The following GPSM2 variants were observed in gnomAD, a reference collection of about 807,000 sequenced individuals.
The protein encoded by GPSM2 is G protein signaling modulator 2.
In GPSM2, 58 loss-of-function variants were observed where a neutral mutation model predicts 78.4. The observed-to-expected ratio is 0.74, with a 90% CI of 0.60 to 0.92. GPSM2 has a LOEUF of 0.92. Among genes scored for constraint, GPSM2 ranks in the 40% least tolerant of loss-of-function variants. GPSM2 has a pLI of 0.00. For synonymous variants in GPSM2, 224 were observed against 280.2 expected (o/e 0.80, Z 2.00); for missense variants, 700 against 815.5 (o/e 0.86, Z 1.73).
intron 2 of GPSM2, among the ~76,000 whole-genome samples, chr1:108,885,953 T>G (rs577876355): frequency 6.6e-6 from 1 of 152,284 alleles, no homozygotes; most frequent in East Asian, 1.9e-4. Flanking sequence ...AATGTGATCT[T>G]TTAGACATGA....
Position 108,931,541 on chromosome 1 carries a change from A to G in GPSM2, c.*1601A>G. 6.7e-7 allele frequency: 1 copy of G among 1,503,140 alleles called. No homozygotes were observed. Among genetic ancestry groups the G allele is most frequent in the Admixed American group, 2.2e-5 (1 of 45,448 alleles). 93.1% of individuals were successfully genotyped at this position (1,503,140 alleles called of 1,614,324 possible). A position where few individuals can be genotyped will look rare whatever the true frequency, so the allele number is the denominator to read the frequency against. ...ATTCTTTCAAAAAGTCATTCAGGTG[A>G]TTTGGATGGGCAAATAGAACTATTT... On this transcript the variant is annotated 3_prime_UTR_variant, in exon 15 of 15. Coordinates refer to ENST00000264126, the MANE Select transcript of GPSM2 (RefSeq NM_013296.5).
rs148943546 is a variant in GPSM2 at position 108,933,955 on chromosome 1, T to C, written c.*4015T>C. ...TGAGTAACACAAAAAATAGGTTTTATAAAAAGCCCATGCACTTCAATTGGT... is the reference window on the plus strand; with the variant it reads ...TGAGTAACACAAAAAATAGGTTTTACAAAAAGCCCATGCACTTCAATTGGT... On this transcript the variant is annotated 3_prime_UTR_variant, in exon 15 of 15. Coordinates refer to ENST00000264126, the MANE Select transcript of GPSM2 (RefSeq NM_013296.5). The C allele has an allele frequency of 6.6e-6, 1 of 152,334 alleles. No individual in the cohort carries two copies. The allele number at this position is 152,334 out of a possible 1,614,324, so 9.4% of individuals were successfully genotyped here.
In GPSM2 at chr1:108,883,609, G is replaced by A. The variant is rs1356631550; in HGVS notation, c.-248-1666G>A. 2.0e-5 allele frequency among the ~76,000 whole-genome samples: 3 copies of A among 152,228 alleles called. No homozygotes were observed. In the East Asian group the frequency reaches 5.8e-4, roughly 29 times the overall value. The stretch of plus-strand genomic sequence containing the variant: ...ATATCTACCAATTTATCTCATATAT[G>A]TATATGTATATCCTTCTTTGTCTTT... On this transcript the variant is annotated intron_variant, in intron 1 of 14. Coordinates refer to ENST00000264126, the MANE Select transcript of GPSM2 (RefSeq NM_013296.5).
At chr1:108,883,260 C>G (rs1252415344) in intron 1 of GPSM2, among the ~76,000 whole-genome samples, 1 of 152,168 alleles carries the variant, frequency 6.6e-6, no homozygotes, top group Non-Finnish European at 1.5e-5. Flanking sequence ...ACCTTCTGCT[C>G]TGTTCCCTAT....
At chr1:108,878,228 T>C (rs1665726942) in intron 1 of GPSM2, among the ~76,000 whole-genome samples, 3 of 152,130 alleles carry the variant, frequency 2.0e-5, no homozygotes, top group African/African-American at 7.2e-5. Context: ...TTAAAAAGGG[T>C]AGATCACTGT....
chr1:108,920,469 A>G (rs1416776112), intron 12 of GPSM2, among the ~76,000 whole-genome samples: 3 of 152,096 alleles, frequency 2.0e-5, no homozygotes, highest in Non-Finnish European at 2.9e-5. Flanking sequence ...ACTCTGTCTT[A>G]AAAAGAGTAA....
intron 10 of GPSM2, among the ~76,000 whole-genome samples, chr1:108,908,722 A>AACAAACACACACACACACACACAC (rs1400997028): frequency 6.3e-5 from 5 of 79,288 alleles, no homozygotes; most frequent in African/African-American, 4.9e-4. Flanking sequence ...TCCATCTCAA[A>AACAAACACACACACACACACACAC]ACACAAACAC....
chr1:108,895,503 G>A (rs1648286420), intron 2 of GPSM2, among the ~76,000 whole-genome samples: 1 of 152,180 alleles, frequency 6.6e-6, no homozygotes, highest in South Asian at 2.1e-4. Flanking sequence ...TGGGCAGGAC[G>A]AGTGAGCATT....
chr1:108,907,296 G>A (rs1649309866), intron 10 of GPSM2, among the ~76,000 whole-genome samples: 1 of 152,146 alleles, frequency 6.6e-6, no homozygotes, highest in African/African-American at 2.4e-5. Flanking sequence ...CTACATACTG[G>A]TTTGGAATTT....
intron 10 of GPSM2, among the ~76,000 whole-genome samples, chr1:108,908,742 G>A (rs1307418056): frequency 2.4e-5 from 2 of 84,152 alleles, no homozygotes; most frequent in South Asian, 3.1e-4. Context: ...CACACACGCC[G>A]GGGCAGTGGC....
intron 14 of GPSM2, among the ~76,000 whole-genome samples, chr1:108,928,038 G>A (rs839857): frequency 0.36 from 54,425 of 152,048 alleles, 11,362 homozygotes; most frequent in African/African-American, 0.57. Flanking sequence ...AAAAGAGTGA[G>A]CAGGGAACAA....
intron 7 of GPSM2, among the ~76,000 whole-genome samples, chr1:108,899,670 G>A (rs1175765692): frequency 6.6e-6 from 1 of 152,228 alleles, no homozygotes; most frequent in African/African-American, 2.4e-5. Flanking sequence ...GTGCTTTCTA[G>A]ATTGAGTTTT....
rs143277286 is a variant in GPSM2, at chr1:108,927,624, C to T, written c.1816-2077C>T. Among the ~76,000 whole-genome samples the T allele has an allele frequency of 1.7e-4, 26 of 152,172 alleles. No individual in the cohort carries two copies. The East Asian group carries it at 4.8e-3, about 28-fold the overall frequency. ...AATGAAGTTGGACCCTTACCTAATA[C>T]CATATGCAAAACTCAAAGTGGGCCA... On this transcript the variant is annotated intron_variant, in intron 14 of 14. Coordinates refer to ENST00000264126, the MANE Select transcript of GPSM2 (RefSeq NM_013296.5).
chr1:108,903,286 G>A lies in GPSM2; in HGVS notation c.1062+52G>A, dbSNP rs41310096. ...GTGCTATTGTAATTTACAAATTAGAGGTTGGGGGAGGGAACCCTATTTCTC... is the reference window on the plus strand; with the variant it reads ...GTGCTATTGTAATTTACAAATTAGAAGTTGGGGGAGGGAACCCTATTTCTC... On this transcript the variant is annotated intron_variant, in intron 9 of 14. Coordinates refer to ENST00000264126, the MANE Select transcript of GPSM2 (RefSeq NM_013296.5). 7.0e-4 allele frequency: 672 copies of A among 954,526 alleles called. 6 individuals are homozygous for A. The East Asian group carries it at 0.016, about 23-fold the overall frequency. 59.1% of individuals were successfully genotyped at this position (954,526 alleles called of 1,614,324 possible). A position where few individuals can be genotyped will look rare whatever the true frequency, so the allele number is the denominator to read the frequency against.
Position 108,877,204 on chromosome 1 carries a change from C to G in GPSM2, c.-273C>G, listed in dbSNP as rs1306412506. The G allele has an allele frequency of 2.6e-5, 4 of 152,228 alleles. No homozygotes were observed. The highest frequency in any genetic ancestry group is 2.6e-4 in the Admixed American group (4 of 15,284). 9.4% of individuals were successfully genotyped at this position (152,228 alleles called of 1,614,324 possible). ...GCCGCCGCTGCACCTTCACCGCGTA[C>G]CCGGGACCCGCCCGCCCGCGGGAGG... On this transcript the variant is annotated 5_prime_UTR_variant, in exon 1 of 15. Transcript: ENST00000264126.
At position 108,908,728 on chromosome 1, in the gene GPSM2, A is replaced by AACACACACACACACACACACACAC. The variant is rs71591128; in HGVS notation, c.1192+4484_1192+4485insACACACACACACACACACACACAC. Among the ~76,000 whole-genome samples the AACACACACACACACACACACACAC allele has an allele frequency of 1.4e-3, 213 of 148,460 alleles. 1 individual carries two copies. The highest frequency in any genetic ancestry group is 4.6e-3 in the African/African-American group (179 of 38,650). ...CAGCCAGACTCCATCTCAAAACACAAACACACACACGCCGGGGCAGTGGCT... is the reference window on the plus strand; with the variant it reads ...CAGCCAGACTCCATCTCAAAACACAAACACACACACACACACACACACACACACACACACGCCGGGGCAGTGGCT... On this transcript the variant is annotated intron_variant, in intron 10 of 14. Coordinates refer to ENST00000264126, the MANE Select transcript of GPSM2 (RefSeq NM_013296.5).
chr1:108,928,759 C>T (rs775606244), intron 14 of GPSM2, among the ~76,000 whole-genome samples: 3 of 152,054 alleles, frequency 2.0e-5, no homozygotes, highest in Admixed American at 1.3e-4. Flanking sequence ...GAGGCCAAGG[C>T]GGGTGGATCA....
rs1648561365 is a variant in GPSM2, at chr1:108,898,654, A to G, written c.570A>G (p.Ser190=). 6.2e-7 allele frequency: 1 copy of G among 1,613,986 alleles called. No individual in the cohort carries two copies. The change falls in exon 6 of 15, where the codon TCA becomes TCG. Residue 190 remains serine (S), a synonymous_variant. Transcript: ENST00000264126. The stretch of plus-strand genomic sequence containing the variant: ...TGCGATCCCTTAGGGAAAACCTATC[A>G]TTAGTGACTGCTTTGGGTGACCGAG... ...AAVDFYEENL[S]LVTALGDRAA...
intron 11 of GPSM2, among the ~76,000 whole-genome samples, chr1:108,918,037 G>A (rs1650413411): frequency 6.6e-6 from 1 of 152,034 alleles, no homozygotes; most frequent in South Asian, 2.1e-4. Flanking sequence ...AAATGTCAGA[G>A]CTATTGTATG....
Sources: allele counts gnomAD v4.1 joint callset (sites outside exome capture counted in the v4.1 genomes callset), GRCh38; gene constraint gnomAD v4.1.1; transcripts MANE v1.5; gene names NCBI Gene and HGNC (gene_info 2026-07-23, HGNC 2026-07-21).